The following ROBO2 variants were observed in gnomAD, a reference collection of about 807,000 sequenced individuals.
ROBO2 encodes the protein roundabout guidance receptor 2, also known as roundabout homolog 2.
ROBO2 carries 53 observed loss-of-function variants against 160.8 expected under a neutral mutation model. The observed-to-expected ratio is 0.33, with a 90% CI of 0.26 to 0.41. The LOEUF is 0.41. Ranked by LOEUF, ROBO2 falls within the 10% of genes least tolerant of loss-of-function variation. ROBO2 has a pLI of 1.00. For missense variants in ROBO2, 1,577 were observed against 1,722.4 expected (o/e 0.92, Z 1.49); for synonymous variants, 664 against 611.7 (o/e 1.09, Z -1.26).
intron 2 of ROBO2, among the ~76,000 whole-genome samples, chr3:77,350,052 C>T (rs552853958): frequency 6.0e-5 from 9 of 150,052 alleles, no homozygotes; most frequent in South Asian, 2.1e-4. Context: ...TACGTCCCTG[C>T]GATTGGTACA....
intron 2 of ROBO2, among the ~76,000 whole-genome samples, chr3:76,090,060 CACTA>C (rs1446656827): frequency 6.6e-6 from 1 of 152,138 alleles, no homozygotes; most frequent in Non-Finnish European, 1.5e-5. Context: ...ATTACAAACA[CACTA>C]ACATTTACAT....
At position 77,230,381 on chromosome 3, in the gene ROBO2, G is replaced by A. The variant is rs2087022697; in HGVS notation, c.388+132041G>A. Among the ~76,000 whole-genome samples the A allele has an allele frequency of 2.0e-5, 3 of 152,082 alleles. No individual in the cohort carries two copies. In the South Asian group the frequency reaches 6.2e-4, roughly 32 times the overall value. The stretch of plus-strand genomic sequence containing the variant: ...TTACAGACGTGAGCCACCACACCTG[G>A]CTTACATAGCTTTTTTTAAATACAA... On this transcript the variant is annotated intron_variant, in intron 2 of 25. Coordinates refer to ENST00000461745, the Ensembl canonical transcript of ROBO2.
chr3:76,013,525 G>A (rs1283804534), intron 2 of ROBO2, among the ~76,000 whole-genome samples: 1 of 151,390 alleles, frequency 6.6e-6, no homozygotes, highest in Admixed American at 6.6e-5. Flanking sequence ...GGGCACTGTG[G>A]TTTATGCGTG....
intron 2 of ROBO2, among the ~76,000 whole-genome samples, chr3:76,051,054 T>C (rs1052213186): frequency 1.3e-5 from 2 of 152,242 alleles, no homozygotes; most frequent in African/African-American, 4.8e-5. Flanking sequence ...TTATCATGTG[T>C]ATAATTATTT....
chr3:76,412,856 C>G (rs1363923209), intron 2 of ROBO2, among the ~76,000 whole-genome samples: 1 of 152,220 alleles, frequency 6.6e-6, no homozygotes, highest in Non-Finnish European at 1.5e-5. Flanking sequence ...TGGCCCTCTT[C>G]TCACAGCTGC....
chr3:77,591,577 G>A (rs1233918173), intron 17 of ROBO2, among the ~76,000 whole-genome samples: 1 of 152,144 alleles, frequency 6.6e-6, no homozygotes, highest in Non-Finnish European at 1.5e-5. Context: ...ATTTTAAATT[G>A]TGGTGTCTGC....
chr3:76,017,340 A>G (rs1371677638), intron 2 of ROBO2, among the ~76,000 whole-genome samples: 1 of 152,164 alleles, frequency 6.6e-6, no homozygotes, highest in Non-Finnish European at 1.5e-5. Context: ...ATTAAAGCCA[A>G]TGGAATATAT....
At chr3:77,074,921 A>G (rs1394471859) in intron 1 of ROBO2, among the ~76,000 whole-genome samples, 1 of 152,210 alleles carries the variant, frequency 6.6e-6, no homozygotes, top group African/African-American at 2.4e-5. Flanking sequence ...TCTTGAAAAG[A>G]AAGACCTAAA....
In ROBO2 at chr3:77,557,929, A is replaced by G; in HGVS notation, c.1232-15A>G. On this transcript the variant is annotated splice_polypyrimidine_tract_variant and intron_variant, in intron 8 of 25. Coordinates refer to ENST00000461745, the Ensembl canonical transcript of ROBO2. ...CATTGATGTTAAAATACCTGAAAAGAGCTTTATTCTTCAGTTTTGACAGAT... is the reference window on the plus strand; with the variant it reads ...CATTGATGTTAAAATACCTGAAAAGGGCTTTATTCTTCAGTTTTGACAGAT... 1 of 1,608,254 alleles carries G rather than the reference A, an allele frequency of 6.2e-7. No individual in the cohort carries two copies. Among genetic ancestry groups the G allele is most frequent in the Middle Eastern group, 1.7e-4 (1 of 6,046 alleles).
intron 2 of ROBO2, among the ~76,000 whole-genome samples, chr3:76,086,818 CAT>C (rs1011550986): frequency 2.6e-5 from 4 of 151,926 alleles, no homozygotes; most frequent in Non-Finnish European, 5.9e-5. Context: ...TGGAAGAACA[CAT>C]AGACAATGTA....
At chr3:77,466,683 A>G (rs1038367753) in intron 2 of ROBO2, among the ~76,000 whole-genome samples, 4 of 152,304 alleles carry the variant, frequency 2.6e-5, no homozygotes, top group Admixed American at 1.3e-4. Flanking sequence ...TGTTAAAGTA[A>G]CTGGCAAAGA....
chr3:77,634,627 T>C, intron 23 of ROBO2: 2 of 505,804 alleles, frequency 4.0e-6, no homozygotes, highest in South Asian at 4.3e-5. Context: ...ATCTGTTTTA[T>C]GTTCATTTGT....
At position 76,329,101 on chromosome 3, in the gene ROBO2, G is replaced by A. The variant is rs565474318; in HGVS notation, c.109+391499G>A. Among the ~76,000 whole-genome samples, 18 of 151,988 alleles carry A rather than the reference G, an allele frequency of 1.2e-4. No homozygotes were observed. The South Asian group carries it at 3.3e-3, about 28-fold the overall frequency. ...TCGGTGGACAAGCTGCACACTCAGC[G>A]CAGGAAGCAGCTCGTGGATGTGACG... On this transcript the variant is annotated intron_variant, in intron 2 of 26. Transcript: ENST00000487694.
intron 2 of ROBO2, among the ~76,000 whole-genome samples, chr3:76,319,934 A>G (rs1210093171): frequency 6.6e-6 from 1 of 152,058 alleles, no homozygotes; most frequent in East Asian, 1.9e-4. Flanking sequence ...AATACTCTGT[A>G]TCCCAGGATT....
intron 2 of ROBO2, among the ~76,000 whole-genome samples, chr3:76,916,542 T>C (rs984818087): frequency 2.1e-5 from 3 of 145,954 alleles, no homozygotes; most frequent in African/African-American, 7.3e-5. Context: ...AGAGACACGG[T>C]CTCATTTTGT....
intron 2 of ROBO2, among the ~76,000 whole-genome samples, chr3:77,005,220 G>T (rs1464384950): frequency 6.6e-6 from 1 of 152,126 alleles, no homozygotes; most frequent in Non-Finnish European, 1.5e-5. Flanking sequence ...CCTTGCTGTG[G>T]TGCGCCAGGT....
chr3:76,829,822 C>T (rs1186376496), intron 2 of ROBO2, among the ~76,000 whole-genome samples: 2 of 152,120 alleles, frequency 1.3e-5, no homozygotes, highest in Non-Finnish European at 2.9e-5. Context: ...GCATGCGCCA[C>T]CATGCCCGGC....
chr3:76,851,371 G>C (rs181477852), intron 2 of ROBO2, among the ~76,000 whole-genome samples: 5 of 152,168 alleles, frequency 3.3e-5, no homozygotes, highest in Admixed American at 2.6e-4. Context: ...GGATAGCACT[G>C]CTCTGGATGA....
chr3:76,349,225 A>G (rs920075938), intron 2 of ROBO2, among the ~76,000 whole-genome samples: 1 of 152,142 alleles, frequency 6.6e-6, no homozygotes, highest in African/African-American at 2.4e-5. Flanking sequence ...GTGAAAATAA[A>G]TATCAAAACA....
Sources: gnomAD v4.1 joint callset for allele counts (sites outside exome capture counted in the v4.1 genomes callset) on GRCh38, gnomAD v4.1.1 for gene constraint, MANE v1.5 for transcripts, NCBI Gene and HGNC (gene_info 2026-07-23, HGNC 2026-07-21) for gene names.